GANC: variants seen among roughly 807,000 people sequenced by gnomAD.
GANC encodes neutral alpha-glucosidase C.
GANC carries 117 observed loss-of-function variants against 124.2 expected under a neutral mutation model. The ratio of observed to expected loss-of-function variants is 0.94; its 90% CI spans 0.81 to 1.10. The LOEUF is 1.10. Among genes scored for constraint, GANC ranks in the 50% least tolerant of loss-of-function variants. GANC has a pLI of 0.00. For synonymous variants in GANC, 377 were observed against 376.8 expected (o/e 1.00, Z -0.01); for missense variants, 1,140 against 1,095.0 (o/e 1.04, Z -0.58).
At chr15:42,338,835 A>G (rs1439389599) in intron 16 of GANC, among the ~76,000 whole-genome samples, 1 of 152,240 alleles carries the variant, frequency 6.6e-6, no homozygotes, top group Non-Finnish European at 1.5e-5. Context: ...ACTACAAGGA[A>G]TTTAGCAAAT....
At chr15:42,336,522 A>T (rs1174712515) in intron 15 of GANC, among the ~76,000 whole-genome samples, 1 of 152,244 alleles carries the variant, frequency 6.6e-6, no homozygotes, top group East Asian at 1.9e-4. Flanking sequence ...CCAAAACTAT[A>T]TAAAAACCCT....
At chr15:42,281,228 C>A in intron 3 of GANC, 1 of 641,642 alleles carries the variant, frequency 1.6e-6, no homozygotes, top group South Asian at 1.8e-5. Flanking sequence ...CCCTGAAATT[C>A]TGCACTGAAC....
chr15:42,351,348 C>T lies in GANC; in HGVS notation c.2551C>T (p.His851Tyr), dbSNP rs140454978. ...LINSFADQRG[H>Y]YPSKCVVEKI... Reference sequence around the variant, plus strand: ...TTCCAGTTTTGCTGACCAGAGGGGTCATTATCCCAGCAAGTGTGTGGTGGA... The same window carrying T: ...TTCCAGTTTTGCTGACCAGAGGGGTTATTATCCCAGCAAGTGTGTGGTGGA... Residue 851 changes from histidine to tyrosine, a missense_variant, in exon 23 of 24, where the codon CAT (histidine) becomes TAT (tyrosine). Transcript: ENST00000318010. 3.7e-6 allele frequency: 6 copies of T among 1,613,800 alleles called. No homozygotes were observed. The highest frequency in any genetic ancestry group is 5.1e-6 in the Non-Finnish European group (6 of 1,179,850).
Position 42,353,061 on chromosome 15 carries a change from A to T in GANC, c.*922A>T. ...TGAACAAAATATTAAAATTTAAAAT[A>T]AAGACAGGATTAGTATTACTGAGTT... On this transcript the variant is annotated 3_prime_UTR_variant, in exon 24 of 24. Transcript: ENST00000318010. 1 of 927,156 alleles carries T rather than the reference A, an allele frequency of 1.1e-6. No homozygotes were observed. Among genetic ancestry groups the T allele is most frequent in the Non-Finnish European group, 1.3e-6 (1 of 776,482 alleles). The allele number at this position is 927,156 out of a possible 1,614,324, so 57.4% of individuals were successfully genotyped here.
Position 42,326,407 on chromosome 15 carries a change from A to T in GANC, c.1403A>T (p.Glu468Val), listed in dbSNP as rs1400470951. The change falls in exon 12 of 24, where the codon GAA (glutamate) becomes GTA (valine). Residue 468 changes from glutamate (E) to valine (V), a missense_variant. By Grantham distance (121) the Glu-to-Val change is moderately radical. Transcript: ENST00000318010. Reference protein sequence around the residue: ...FVKNQEGEDFEGVCWPGLSSY... With the variant: ...FVKNQEGEDFVGVCWPGLSSY... ...AAGAATCAGGAAGGGGAAGACTTTGAAGGGGTGTGTTGGCCAGGTATGAAA... is the reference window on the plus strand; with the variant it reads ...AAGAATCAGGAAGGGGAAGACTTTGTAGGGGTGTGTTGGCCAGGTATGAAA... The T allele has an allele frequency of 8.1e-6, 13 of 1,614,004 alleles. No homozygotes were observed. Among genetic ancestry groups the T allele is most frequent in the Non-Finnish European group, 1.0e-5 (12 of 1,179,926 alleles).
chr15:42,286,317 T>C (rs1566949841), intron 3 of GANC, among the ~76,000 whole-genome samples: 1 of 152,214 alleles, frequency 6.6e-6, no homozygotes, highest in Non-Finnish European at 1.5e-5. Flanking sequence ...TGCATCTCTT[T>C]TATCTCCTCC....
intron 2 of GANC, chr15:42,277,915 GAAAAAAAA>G (rs59950616): frequency 2.4e-5 from 2 of 83,842 alleles, no homozygotes; most frequent in African/African-American, 4.3e-5. Flanking sequence ...ATGTTCATTT[GAAAAAAAA>G]AAAAAAAAAA....
At chr15:42,310,018 G>A (rs998595698) in intron 8 of GANC, among the ~76,000 whole-genome samples, 1 of 151,784 alleles carries the variant, frequency 6.6e-6, no homozygotes, top group Non-Finnish European at 1.5e-5. Context: ...GACCCTATCT[G>A]GAAAAAAGAA....
At chr15:42,295,356 A>G in intron 5 of GANC, among the ~76,000 whole-genome samples, 2 of 152,200 alleles carry the variant, frequency 1.3e-5, no homozygotes, top group East Asian at 3.9e-4. Flanking sequence ...ATTTATATTT[A>G]TAATTATATT....
chr15:42,340,471 GT>G (rs2052320813), intron 17 of GANC, among the ~76,000 whole-genome samples: 1 of 151,938 alleles, frequency 6.6e-6, no homozygotes, highest in Non-Finnish European at 1.5e-5. Context: ...GGGCGTGGTG[GT>G]GTGTGCCTGT....
At chr15:42,349,721 C>T (rs919015816) in intron 22 of GANC, among the ~76,000 whole-genome samples, 3 of 152,008 alleles carry the variant, frequency 2.0e-5, no homozygotes, top group African/African-American at 7.3e-5. Flanking sequence ...GATCTCAGCT[C>T]ACTGCAACCT....
intron 10 of GANC, among the ~76,000 whole-genome samples, chr15:42,319,306 T>C (rs1299253840): frequency 1.3e-5 from 2 of 151,756 alleles, no homozygotes; most frequent in African/African-American, 4.8e-5. Flanking sequence ...AAACTCATGA[T>C]CAATGCTGCT....
chr15:42,337,800 G>A (rs72707462), intron 15 of GANC, among the ~76,000 whole-genome samples: 5,285 of 152,222 alleles, frequency 0.035, 146 homozygotes, highest in Middle Eastern at 0.065. Flanking sequence ...GGTGGCTCAC[G>A]CCTATAATTT....
intron 2 of GANC, chr15:42,278,040 A>G (rs1566947866): frequency 2.5e-6 from 1 of 398,400 alleles, no homozygotes. Flanking sequence ...AAAGCGTATT[A>G]TGTTAATTCT....
rs571542861 is a variant in GANC, at chr15:42,296,024, G to A, written c.513-1587G>A. 2.6e-5 allele frequency among the ~76,000 whole-genome samples: 4 copies of A among 151,560 alleles called. No homozygotes were observed. The East Asian group carries it at 5.9e-4, about 22-fold the overall frequency. ...CTAGGCATGGTGGCATGTGCCTGTC[G>A]TTCCATCTACTTGGGAGGTTGAGGT... On this transcript the variant is annotated intron_variant, in intron 5 of 23. Transcript: ENST00000318010.
At chr15:42,340,017 A>C (rs1049460985) in intron 17 of GANC, 105 bp downstream of exon 17, 32 of 1,399,270 alleles carry the variant, frequency 2.3e-5, no homozygotes, top group Middle Eastern at 1.9e-4. Flanking sequence ...AGAAAGGTGA[A>C]GAAAAGCTAC....
intron 3 of GANC, among the ~76,000 whole-genome samples, chr15:42,286,772 A>G (rs189560851): frequency 3.6e-4 from 55 of 152,302 alleles, no homozygotes; most frequent in African/African-American, 1.3e-3. Context: ...TACTTGCACC[A>G]CATTGTACCC....
In GANC at chr15:42,273,908, G is replaced by C. The variant is rs1595758525; in HGVS notation, c.-574G>C. ...TGGAGTACACGCGATTCCTAGACTG[G>C]GTAGTGTAACAACCTTCAAAGGCCC... On this transcript the variant is annotated 5_prime_UTR_variant, in exon 1 of 24. Coordinates refer to ENST00000318010, the MANE Select transcript of GANC (RefSeq NM_198141.3). 1 of 193,452 alleles carries C rather than the reference G, an allele frequency of 5.2e-6. No individual in the cohort carries two copies. Among genetic ancestry groups the C allele is most frequent in the South Asian group, 8.6e-5 (1 of 11,624 alleles). 12.0% of individuals were successfully genotyped at this position (193,452 alleles called of 1,614,324 possible). A position where few individuals can be genotyped will look rare whatever the true frequency, so the allele number is the denominator to read the frequency against.
In GANC at chr15:42,281,250, G is replaced by T. The variant is rs1298680370; in HGVS notation, c.201+2660G>T. On this transcript the variant is annotated intron_variant, in intron 3 of 23. Transcript: ENST00000318010. Reference sequence around the variant, plus strand: ...ATTCTGCACTGAACTCCATTTTAATGTCCTCCTTGTCATGTGGTGTTGAGA... The same window carrying T: ...ATTCTGCACTGAACTCCATTTTAATTTCCTCCTTGTCATGTGGTGTTGAGA... 5 of 627,476 alleles carry T rather than the reference G, an allele frequency of 8.0e-6. No homozygotes were observed. In the African/African-American group the frequency reaches 9.1e-5, roughly 11 times the overall value. 38.9% of individuals were successfully genotyped at this position (627,476 alleles called of 1,614,324 possible). A position where few individuals can be genotyped will look rare whatever the true frequency, so the allele number is the denominator to read the frequency against.
Sources: gnomAD v4.1 joint callset for allele counts (sites outside exome capture counted in the v4.1 genomes callset) on GRCh38, gnomAD v4.1.1 for gene constraint, MANE v1.5 for transcripts, NCBI Gene and HGNC (gene_info 2026-07-23, HGNC 2026-07-21) for gene names.